Variants in AADACL2 observed in about 807,000 individuals in gnomAD.
The protein encoded by AADACL2 is arylacetamide deacetylase like 2, also known as arylacetamide deacetylase-like 2.
Under a neutral mutation model 22.3 loss-of-function variants are expected in AADACL2, and 23 were observed. The ratio of observed to expected loss-of-function variants is 1.03; its 90% confidence interval spans 0.74 to 1.46. The LOEUF is 1.46. Among genes scored for constraint, AADACL2 ranks in the 40% most tolerant of loss-of-function variants. The pLI is 0.00. For synonymous variants in AADACL2, 177 were observed against 166.2 expected (o/e 1.07, Z -0.50); for missense variants, 472 against 482.9 (o/e 0.98, Z 0.21).
chr3:151,740,112 G>T (rs1012709250), intron 1 of AADACL2, among the ~76,000 whole-genome samples: 2 of 152,202 alleles, frequency 1.3e-5, no homozygotes, highest in African/African-American at 2.4e-5. Flanking sequence ...ATCCAGTTTT[G>T]TGCTTGAAAC....
At chr3:151,756,719 G>C (rs1198677262) in intron 4 of AADACL2, among the ~76,000 whole-genome samples, 1 of 137,268 alleles carries the variant, frequency 7.3e-6, no homozygotes, top group Non-Finnish European at 1.6e-5. Context: ...CTCTCGCCTT[G>C]TACATTCTCT....
chr3:151,738,591 C>G (rs1264651051), intron 1 of AADACL2, among the ~76,000 whole-genome samples: 1 of 152,198 alleles, frequency 6.6e-6, no homozygotes, highest in Non-Finnish European at 1.5e-5. Flanking sequence ...GGTGTGTTTT[C>G]CAGCTTGATT....
At position 151,745,607 on chromosome 3, in the gene AADACL2, G is replaced by C. The variant is rs1325877873; in HGVS notation, c.530G>C (p.Gly177Ala). ...FLLEKILTKY[G>A]VDPTRICIAG... ...TTGGAAAAAATTCTTACAAAATATG[G>C]AGTGGATCCCACCCGAATCTGCATT... The change falls in exon 4 of 5, where the codon GGA becomes GCA. Residue 177 changes from glycine to alanine, a missense_variant. Gly to Ala is a moderately conservative substitution (Grantham distance 60, BLOSUM62 0). Transcript: ENST00000356517. The C allele has an allele frequency of 6.2e-7, 1 of 1,613,544 alleles. No homozygotes were observed. Among genetic ancestry groups the C allele is most frequent in the Non-Finnish European group, 8.5e-7 (1 of 1,179,858 alleles).
intron 4 of AADACL2, among the ~76,000 whole-genome samples, chr3:151,746,117 T>A (rs1400072147): frequency 1.3e-5 from 2 of 152,134 alleles, no homozygotes; most frequent in Admixed American, 1.3e-4. Context: ...CCTCTTCAAT[T>A]TCTCAGCAAT....
At position 151,733,988 on chromosome 3, in the gene AADACL2, G is replaced by A; in HGVS notation, c.-48G>A. On this transcript the variant is annotated 5_prime_UTR_variant, in exon 1 of 5. Coordinates refer to ENST00000356517, the MANE Select transcript of AADACL2 (RefSeq NM_207365.4). ...CTACTAGTTACTATTCAGTGTTTGT[G>A]AAAAATTTTAATCTCAGTACTGTGA... 6.5e-7 allele frequency: 1 copy of A among 1,531,706 alleles called. No homozygotes were observed. The highest frequency in any genetic ancestry group is 8.8e-7 in the Non-Finnish European group (1 of 1,137,974). 94.9% of individuals were successfully genotyped at this position (1,531,706 alleles called of 1,614,324 possible).
At chr3:151,746,785 G>C (rs1713460504) in intron 4 of AADACL2, among the ~76,000 whole-genome samples, 1 of 152,078 alleles carries the variant, frequency 6.6e-6, no homozygotes, top group Admixed American at 6.6e-5. Context: ...TTCTAGGCAT[G>C]AGCCTTACTT....
At chr3:151,740,252 C>T (rs1713233962) in intron 1 of AADACL2, among the ~76,000 whole-genome samples, 1 of 152,186 alleles carries the variant, frequency 6.6e-6, no homozygotes, top group African/African-American at 2.4e-5. Context: ...GAGGGAGGTC[C>T]CCTGGCTCCT....
intron 1 of AADACL2, 63 bp downstream of exon 1, chr3:151,734,236 C>T: frequency 6.6e-7 from 1 of 1,514,928 alleles, no homozygotes; most frequent in Non-Finnish European, 8.9e-7. Context: ...AAAATGGGTG[C>T]TTATGAACTC....
chr3:151,736,945 T>A (rs914056704), intron 1 of AADACL2, among the ~76,000 whole-genome samples: 1 of 152,158 alleles, frequency 6.6e-6, no homozygotes, highest in Non-Finnish European at 1.5e-5. Context: ...CCACCAACAG[T>A]GTAAAAGCCT....
intron 3 of AADACL2, 152 bp downstream of exon 3, chr3:151,744,314 G>C (rs534029468): frequency 1.5e-6 from 1 of 665,832 alleles, no homozygotes; most frequent in East Asian, 2.8e-5. Context: ...CCTCAAAGAG[G>C]TTCAGTGTCC....
intron 3 of AADACL2, 100 bp downstream of exon 3, chr3:151,744,262 A>T (rs866569600): frequency 9.0e-7 from 1 of 1,116,226 alleles, no homozygotes; most frequent in Middle Eastern, 2.4e-4. Flanking sequence ...TAATTTTTTA[A>T]ATTAATATAT....
At chr3:151,743,188 G>T (rs1163862357) in intron 2 of AADACL2, among the ~76,000 whole-genome samples, 12 of 152,076 alleles carry the variant, frequency 7.9e-5, no homozygotes, top group Admixed American at 7.9e-4. Context: ...AAAAGACTAG[G>T]TGACTTACTT....
intron 1 of AADACL2, 95 bp downstream of exon 1, chr3:151,734,268 C>T: frequency 7.9e-7 from 1 of 1,270,568 alleles, no homozygotes; most frequent in Non-Finnish European, 1.1e-6. Context: ...GTATTAATAT[C>T]ACCATTTTGA....
chr3:151,751,168 A>C (rs978718266), intron 4 of AADACL2, among the ~76,000 whole-genome samples: 2 of 152,172 alleles, frequency 1.3e-5, no homozygotes, highest in Non-Finnish European at 2.9e-5. Flanking sequence ...GAGTAAAATG[A>C]GGAGTATGAT....
rs373199659 is a variant in AADACL2 at position 151,750,480 on chromosome 3, G to C, written c.603+4800G>C. Among the ~76,000 whole-genome samples the C allele has an allele frequency of 1.8e-3, 266 of 151,814 alleles. 2 individuals are homozygous for C. Among genetic ancestry groups the C allele is most frequent in the African/African-American group, 5.8e-3 (240 of 41,408 alleles). On this transcript the variant is annotated intron_variant, in intron 4 of 4. Coordinates refer to ENST00000356517, the MANE Select transcript of AADACL2 (RefSeq NM_207365.4). ...TTGCCAGCCTTTTCTTATCTTTCAT[G>C]ATCTTGCCACTTTTCAAGAGTGCTG...
intron 4 of AADACL2, among the ~76,000 whole-genome samples, chr3:151,754,237 ATGTTTACTCC>A (rs1346607623): frequency 3.0e-4 from 45 of 152,288 alleles, no homozygotes; most frequent in African/African-American, 1.1e-3. Context: ...GCTGGTCCAC[ATGTTTACTCC>A]AAGCATTTTA....
rs62274243 is a variant in AADACL2, at chr3:151,757,772, G to A, written c.*178G>A. 3.1e-3 allele frequency: 1,884 copies of A among 607,506 alleles called. 17 individuals carry two copies. The highest frequency in any genetic ancestry group is 0.022 in the East Asian group (706 of 32,514). The allele number at this position is 607,506 out of a possible 1,614,324, so 37.6% of individuals were successfully genotyped here. On this transcript the variant is annotated 3_prime_UTR_variant, in exon 5 of 5. Coordinates refer to ENST00000356517, the MANE Select transcript of AADACL2 (RefSeq NM_207365.4). ...TTTCTGACTTGCAGACCCTGAATAT[G>A]TAAAATGTATGTAATCCTGCCTATT...
At chr3:151,741,461 A>G (rs572797531) in intron 2 of AADACL2, among the ~76,000 whole-genome samples, 3 of 152,290 alleles carry the variant, frequency 2.0e-5, no homozygotes, top group Non-Finnish European at 4.4e-5. Context: ...TGAAGAAAAA[A>G]GACACACACA....
chr3:151,739,669 C>T (rs1299367273), intron 1 of AADACL2, among the ~76,000 whole-genome samples: 1 of 152,174 alleles, frequency 6.6e-6, no homozygotes, highest in African/African-American at 2.4e-5. Flanking sequence ...TATCTGTAAG[C>T]CTCTGACTAG....
Sources: allele counts gnomAD v4.1 joint callset (sites outside exome capture counted in the v4.1 genomes callset), GRCh38; gene constraint gnomAD v4.1.1; transcripts MANE v1.5; gene names NCBI Gene and HGNC (gene_info 2026-07-23, HGNC 2026-07-21).